Variants in TCF4 observed in about 807,000 individuals in gnomAD.
TCF4 encodes the protein transcription factor 4, also known as SL3-3 enhancer factor 2.
Under a neutral mutation model 82.1 loss-of-function variants are expected in TCF4, and 3 were observed. The ratio of observed to expected loss-of-function variants is 0.04; its 90% confidence interval spans 0.02 to 0.09. The LOEUF is 0.09. TCF4 is among the 10% of genes least tolerant of loss of function. The pLI, the probability that TCF4 is intolerant of heterozygous loss-of-function variation, is 1.00. For missense variants in TCF4, 518 were observed against 852.7 expected (o/e 0.61, Z 4.89); for synonymous variants, 276 against 309.6 (o/e 0.89, Z 1.14).
At chr18:55,429,788 A>AAAC in intron 5 of TCF4, among the ~76,000 whole-genome samples, 1 of 150,734 alleles carries the variant, frequency 6.6e-6, no homozygotes, top group Admixed American at 6.6e-5. Context: ...AAAAAAAAAA[A>AAAC]ACAATTTGGT....
intron 2 of TCF4, among the ~76,000 whole-genome samples, chr18:55,623,879 C>T (rs1175569571): frequency 6.6e-6 from 1 of 152,014 alleles, no homozygotes; most frequent in African/African-American, 2.4e-5. Flanking sequence ...AGAGAGATTT[C>T]CAGAACTTAT....
intron 3 of TCF4, chr18:55,482,978 T>C (rs1314121051): frequency 6.6e-6 from 1 of 152,218 alleles, no homozygotes; most frequent in Non-Finnish European, 1.5e-5. Flanking sequence ...GGACTTGTCA[T>C]AGACGTAATT....
chr18:55,613,398 G>A (rs1248610319), intron 2 of TCF4, among the ~76,000 whole-genome samples: 2 of 151,988 alleles, frequency 1.3e-5, no homozygotes, highest in African/African-American at 2.4e-5. Flanking sequence ...TATTCTTTTG[G>A]TCTGGCTTTT....
chr18:55,546,434 G>C (rs1278368575), intron 3 of TCF4, among the ~76,000 whole-genome samples: 1 of 152,082 alleles, frequency 6.6e-6, no homozygotes, highest in African/African-American at 2.4e-5. Context: ...TCATAATGAA[G>C]AGTTCCAACA....
intron 8 of TCF4, among the ~76,000 whole-genome samples, chr18:55,350,039 A>G (rs1297702780): frequency 6.6e-6 from 1 of 152,224 alleles, no homozygotes; most frequent in African/African-American, 2.4e-5. Context: ...AAAGAATTTA[A>G]CCAACACATG....
intron 6 of TCF4, 131 bp downstream of exon 6, chr18:55,403,317 CTTAAAG>C (rs2093928758): frequency 1.0e-6 from 1 of 961,648 alleles, no homozygotes; most frequent in Non-Finnish European, 1.7e-6. Flanking sequence ...TATTTCATTA[CTTAAAG>C]AGAGAGCCAT....
chr18:55,403,724 T>G, intron 5 of TCF4: 1 of 1,538,468 alleles, frequency 6.5e-7, no homozygotes, highest in South Asian at 1.2e-5. Flanking sequence ...TTCCTATTCT[T>G]AGCCAAACTG....
chr18:55,426,016 G>T (rs1259147778), intron 5 of TCF4, among the ~76,000 whole-genome samples: 1 of 151,896 alleles, frequency 6.6e-6, no homozygotes, highest in Non-Finnish European at 1.5e-5. Flanking sequence ...ATAGCTCTGA[G>T]ATGGATACAA....
chr18:55,531,045 G>A (rs898851060), intron 3 of TCF4, among the ~76,000 whole-genome samples: 36 of 151,984 alleles, frequency 2.4e-4, no homozygotes, highest in Admixed American at 1.8e-3. Flanking sequence ...TCCGCCTCCC[G>A]GGTTCAAGCG....
intron 3 of TCF4, among the ~76,000 whole-genome samples, chr18:55,489,597 A>G (rs2096554333): frequency 1.3e-5 from 2 of 152,312 alleles, no homozygotes; most frequent in African/African-American, 2.4e-5. Context: ...CAAAAAAAAT[A>G]GCTGAAGACC....
chr18:55,631,204 C>A, intron 2 of TCF4: 1 of 543,556 alleles, frequency 1.8e-6, no homozygotes, highest in East Asian at 3.5e-5. Context: ...CACATGCCAC[C>A]ATACCCAGCT....
intron 5 of TCF4, among the ~76,000 whole-genome samples, chr18:55,430,019 A>G (rs1201746511): frequency 1.3e-5 from 2 of 152,098 alleles, no homozygotes; most frequent in African/African-American, 4.8e-5. Context: ...GTTACCAGAC[A>G]GAGGAAACTA....
intron 15 of TCF4, among the ~76,000 whole-genome samples, chr18:55,251,325 A>G (rs191057861): frequency 6.6e-6 from 1 of 152,304 alleles, no homozygotes; most frequent in African/African-American, 2.4e-5. Flanking sequence ...CGCTGTGAAA[A>G]AAAAAAATCC....
intron 5 of TCF4, among the ~76,000 whole-genome samples, chr18:55,413,684 G>A (rs918122204): frequency 3.3e-5 from 5 of 152,140 alleles, no homozygotes; most frequent in Admixed American, 3.3e-4. Context: ...GCACAGGAAG[G>A]AAGAGGAGAG....
chr18:55,497,401 T>C (rs1281293132), intron 3 of TCF4, among the ~76,000 whole-genome samples: 1 of 152,188 alleles, frequency 6.6e-6, no homozygotes, highest in East Asian at 1.9e-4. Flanking sequence ...CACATACATT[T>C]ATCAATCTTG....
At chr18:55,582,201 T>C (rs2097581780) in intron 3 of TCF4, among the ~76,000 whole-genome samples, 1 of 152,158 alleles carries the variant, frequency 6.6e-6, no homozygotes. Context: ...TGATTTTCTT[T>C]TTTTGGTAAC....
chr18:55,229,800 G>C (rs2047361095), intron 17 of TCF4: 1 of 152,298 alleles, frequency 6.6e-6, no homozygotes, highest in African/African-American at 2.4e-5. Flanking sequence ...ATGATCCACA[G>C]AACAAGTTTG....
At chr18:55,339,466 A>G (rs1236136740) in intron 8 of TCF4, among the ~76,000 whole-genome samples, 5 of 151,678 alleles carry the variant, frequency 3.3e-5, no homozygotes, top group African/African-American at 4.9e-5. Flanking sequence ...GGGTGGCTAA[A>G]TCGGATCTAT....
At chr18:55,328,828 TC>T (rs1265203220) in intron 8 of TCF4, among the ~76,000 whole-genome samples, 5 of 152,170 alleles carry the variant, frequency 3.3e-5, no homozygotes, top group African/African-American at 1.2e-4. Context: ...TGCTCGATAA[TC>T]AGAGGGGAAA....
Sources: gnomAD v4.1 joint callset for allele counts (sites outside exome capture counted in the v4.1 genomes callset) on GRCh38, gnomAD v4.1.1 for gene constraint, MANE v1.5 for transcripts, NCBI Gene and HGNC (gene_info 2026-07-23, HGNC 2026-07-21) for gene names.